Variants in DIS3L2 observed in about 807,000 individuals in gnomAD.
DIS3L2 encodes the protein DIS3 like 3'-5' exoribonuclease 2.
Under a neutral mutation model 97.5 loss-of-function variants are expected in DIS3L2, and 34 were observed. The ratio of observed to expected loss-of-function variants is 0.35; its 90% CI spans 0.27 to 0.46. DIS3L2 has a LOEUF of 0.46. DIS3L2 is among the 20% of genes least tolerant of loss of function. The pLI, the probability that DIS3L2 is intolerant of heterozygous loss-of-function variation, is 1.00. For missense variants in DIS3L2, 1,038 were observed against 1,146.0 expected (o/e 0.91, Z 1.36); for synonymous variants, 435 against 445.2 (o/e 0.98, Z 0.29).
At chr2:232,262,252 A>G (rs1325707263) in intron 12 of DIS3L2, among the ~76,000 whole-genome samples, 1 of 151,958 alleles carries the variant, frequency 6.6e-6, no homozygotes, top group African/African-American at 2.4e-5. Flanking sequence ...CCCACATCCG[A>G]ATGCCTGCCA....
intron 1 of DIS3L2, among the ~76,000 whole-genome samples, chr2:231,969,244 AT>A (rs199950242): frequency 6.7e-6 from 1 of 148,404 alleles, no homozygotes; most frequent in South Asian, 2.2e-4. Flanking sequence ...AATATGATTG[AT>A]TTTTTTACAT....
At chr2:232,076,574 G>A (rs1026076357) in intron 5 of DIS3L2, among the ~76,000 whole-genome samples, 3 of 152,114 alleles carry the variant, frequency 2.0e-5, no homozygotes, top group Admixed American at 2.0e-4. Context: ...TCTCTATTTT[G>A]TGAAGTATTT....
In DIS3L2 at chr2:232,108,770, A is replaced by G. The variant is rs138122011; in HGVS notation, c.601+21049A>G. 2.0e-5 allele frequency among the ~76,000 whole-genome samples: 3 copies of G among 152,332 alleles called. No homozygotes were observed. The East Asian group carries it at 5.8e-4, about 29-fold the overall frequency. The stretch of plus-strand genomic sequence containing the variant: ...CATTCCTTTACACCAACAACAGGCA[A>G]GCTGAGAGCCAAATCACAAATGAAC... On this transcript the variant is annotated intron_variant, in intron 6 of 20. Coordinates refer to ENST00000325385, the MANE Select transcript of DIS3L2 (RefSeq NM_152383.5).
intron 9 of DIS3L2, among the ~76,000 whole-genome samples, chr2:232,191,278 T>C (rs984028727): frequency 1.3e-5 from 2 of 152,184 alleles, no homozygotes; most frequent in African/African-American, 4.8e-5. Context: ...TTTGGACTCC[T>C]TTTTGGAAAT....
At chr2:232,205,211 CATAT>C (rs57163508) in intron 9 of DIS3L2, among the ~76,000 whole-genome samples, 15,853 of 140,464 alleles carry the variant, frequency 0.11, 971 homozygotes, top group African/African-American at 0.17. Flanking sequence ...AGGCAGTTTA[CATAT>C]ATATATATAT....
intron 9 of DIS3L2, 95 bp from the exon 10 acceptor site, chr2:232,210,231 A>C: frequency 2.1e-6 from 2 of 931,752 alleles, no homozygotes; most frequent in East Asian, 2.5e-5. Flanking sequence ...AACAGAGCAC[A>C]TATGCAAAAT....
intron 6 of DIS3L2, among the ~76,000 whole-genome samples, chr2:232,109,436 G>T (rs1288583957): frequency 1.3e-5 from 2 of 151,904 alleles, no homozygotes; most frequent in Non-Finnish European, 1.5e-5. Flanking sequence ...GCGAGACTCA[G>T]TCTCAAAAAG....
chr2:232,176,122 C>G (rs1255640569), intron 9 of DIS3L2, among the ~76,000 whole-genome samples: 2 of 152,182 alleles, frequency 1.3e-5, no homozygotes, highest in Non-Finnish European at 2.9e-5. Context: ...AACTCCTGAC[C>G]TCAACTGATC....
chr2:232,189,500 T>A (rs987640739), intron 9 of DIS3L2, among the ~76,000 whole-genome samples: 3 of 152,184 alleles, frequency 2.0e-5, no homozygotes, highest in Admixed American at 1.3e-4. Flanking sequence ...AGTACAATTT[T>A]AAAAAGTCAG....
At position 232,335,893 on chromosome 2, in the gene DIS3L2, C is replaced by T; in HGVS notation, c.2496+19C>T. On this transcript the variant is annotated intron_variant, in intron 20 of 20. Coordinates refer to ENST00000325385, the MANE Select transcript of DIS3L2 (RefSeq NM_152383.5). The stretch of plus-strand genomic sequence containing the variant: ...ACAGCAGGTCAGAACCCCTCTGTGT[C>T]CCAGCCCCCTAAGTCCTGATGACCC... 5 of 1,549,964 alleles carry T rather than the reference C, an allele frequency of 3.2e-6. No homozygotes were observed. Among genetic ancestry groups the T allele is most frequent in the East Asian group, 2.4e-5 (1 of 40,918 alleles).
chr2:232,007,267 C>T (rs72987625), intron 1 of DIS3L2, among the ~76,000 whole-genome samples: 2,076 of 152,100 alleles, frequency 0.014, 18 homozygotes, highest in Non-Finnish European at 0.022. Context: ...AAATAGAAAG[C>T]GAAGATAGGT....
chr2:232,077,642 T>G (rs1696232679), intron 5 of DIS3L2, among the ~76,000 whole-genome samples: 1 of 152,242 alleles, frequency 6.6e-6, no homozygotes, highest in Non-Finnish European at 1.5e-5. Context: ...CCCACTAATC[T>G]GTTTCTGTCC....
At chr2:232,182,590 G>A (rs1219773126) in intron 9 of DIS3L2, among the ~76,000 whole-genome samples, 2 of 151,826 alleles carry the variant, frequency 1.3e-5, no homozygotes, top group African/African-American at 2.4e-5. Flanking sequence ...TGTATTTTGT[G>A]GCTTTGTTGT....
At chr2:232,327,355 A>T (rs1282096696) in intron 14 of DIS3L2, among the ~76,000 whole-genome samples, 1 of 152,228 alleles carries the variant, frequency 6.6e-6, no homozygotes, top group Admixed American at 6.5e-5. Context: ...GCAAGCCTGC[A>T]GCTGGGCTGG....
At chr2:232,187,698 C>G (rs939721504) in intron 9 of DIS3L2, among the ~76,000 whole-genome samples, 1 of 152,018 alleles carries the variant, frequency 6.6e-6, no homozygotes, top group Non-Finnish European at 1.5e-5. Context: ...ACCTCGGCCT[C>G]CCAAAGTGCT....
intron 6 of DIS3L2, among the ~76,000 whole-genome samples, chr2:232,129,622 T>C (rs1198116811): frequency 6.6e-6 from 1 of 152,170 alleles, no homozygotes. Flanking sequence ...TAAACCCCGG[T>C]AGGTCAGATC....
chr2:232,129,278 C>T (rs1354462418), intron 6 of DIS3L2, among the ~76,000 whole-genome samples: 1 of 152,156 alleles, frequency 6.6e-6, no homozygotes, highest in Non-Finnish European at 1.5e-5. Flanking sequence ...TAATTCCACG[C>T]TTTGATTTTT....
chr2:232,307,925 G>A (rs1695028684), intron 14 of DIS3L2: 2 of 152,258 alleles, frequency 1.3e-5, no homozygotes, highest in Admixed American at 1.3e-4. Flanking sequence ...AAATTCTAAA[G>A]CCTGTGCTGT....
chr2:232,320,069 C>T (rs2945424), intron 14 of DIS3L2, among the ~76,000 whole-genome samples: 2 of 151,870 alleles, frequency 1.3e-5, no homozygotes, highest in Non-Finnish European at 2.9e-5. Flanking sequence ...TTTCCCCGCC[C>T]TCCACCCCAC....
Sources: allele counts gnomAD v4.1 joint callset (sites outside exome capture counted in the v4.1 genomes callset), GRCh38; gene constraint gnomAD v4.1.1; transcripts MANE v1.5; gene names NCBI Gene and HGNC (gene_info 2026-07-23, HGNC 2026-07-21).